The following MS4A6E variants were observed in gnomAD, a reference collection of about 807,000 sequenced individuals.
MS4A6E encodes the protein membrane-spanning 4-domains subfamily A member 6E.
MS4A6E carries 8 observed loss-of-function variants against 13.2 expected under a neutral mutation model. That is an observed-to-expected ratio of 0.60 (90% CI 0.35 to 1.09). MS4A6E has a LOEUF of 1.09. Among genes scored for constraint, MS4A6E ranks in the 50% least tolerant of loss-of-function variants. MS4A6E has a pLI of 0.02. For synonymous variants in MS4A6E, 72 were observed against 67.6 expected, an observed-to-expected ratio of 1.06 and a Z score of -0.32; for missense variants, 177 against 171.1, an observed-to-expected ratio of 1.03 and a Z score of -0.19.
At chr11:60,328,378 T>C (rs1490838200) in intron 1 of MS4A6E, among the ~76,000 whole-genome samples, 6 of 152,068 alleles carry the variant, frequency 3.9e-5, no homozygotes, top group African/African-American at 2.4e-5. Context: ...ATAAGAAATA[T>C]ATATGTGTAG....
chr11:60,327,717 A>G (rs12798846), intron 1 of MS4A6E, among the ~76,000 whole-genome samples: 52,928 of 151,982 alleles, frequency 0.35, 9,851 homozygotes, highest in East Asian at 0.41. Context: ...GTGTCAGATG[A>G]AAATGAGAAA....
chr11:60,331,195 C>T (rs2085153798), intron 1 of MS4A6E, among the ~76,000 whole-genome samples: 1 of 151,972 alleles, frequency 6.6e-6, no homozygotes, highest in African/African-American at 2.4e-5. Context: ...GAATAATATT[C>T]TACTATATAG....
chr11:60,342,729 G>A (rs1476219057), downstream of MS4A6E, among the ~76,000 whole-genome samples: 1 of 152,160 alleles, frequency 6.6e-6, no homozygotes, highest in Non-Finnish European at 1.5e-5. Flanking sequence ...CTAGCTTCCA[G>A]GTATCCCTTT....
rs2304933 is a variant in MS4A6E, at chr11:60,335,034, G to T, written c.139G>T (p.Val47Phe). The T allele has an allele frequency of 0.33, 526,066 of 1,613,452 alleles. 89,900 individuals are homozygous for T. Among genetic ancestry groups the T allele is most frequent in the Admixed American group, 0.37 (22,390 of 59,962 alleles). The change falls in exon 2 of 5, where the codon GTT becomes TTT. Residue 47 changes from valine to phenylalanine, a missense_variant. Physicochemically the swap from Val to Phe is conservative, Grantham distance 50 (BLOSUM62 -1). Coordinates refer to ENST00000684409, the MANE Select transcript of MS4A6E (RefSeq NM_139249.4). ...LKKRLQAKVK[V>F]IGVHSSLAGS... ...GAAACGTCTACAGGCAAAAGTCAAA[G>T]TTATTGGGGTAAATCTAATTCAGAA...
chr11:60,347,333 A>C (rs2085260721), intron 4 of MS4A6E, among the ~76,000 whole-genome samples: 1 of 152,182 alleles, frequency 6.6e-6, no homozygotes, highest in African/African-American at 2.4e-5. Context: ...GCCTGTACAT[A>C]GGGGATCTTG....
At chr11:60,331,496 T>G (rs1252407866) in intron 1 of MS4A6E, among the ~76,000 whole-genome samples, 1 of 152,196 alleles carries the variant, frequency 6.6e-6, no homozygotes, top group Non-Finnish European at 1.5e-5. Flanking sequence ...GTTTTTGTTT[T>G]TTTAGTCTGG....
chr11:60,342,233 T>G (rs73477045), downstream of MS4A6E, among the ~76,000 whole-genome samples: 2,800 of 149,604 alleles, frequency 0.019, 112 homozygotes, highest in African/African-American at 0.066. Flanking sequence ...AAAGACAGAA[T>G]GTACTTCCTT....
At chr11:60,335,493 A>T (rs1286763354) in intron 2 of MS4A6E, 1 of 443,668 alleles carries the variant, frequency 2.3e-6, no homozygotes, top group African/African-American at 2.0e-5. Context: ...TGGAAATGAT[A>T]TTTACCTTTT....
chr11:60,337,906 C>G lies in MS4A6E; in HGVS notation c.313C>G (p.Pro105Ala). ...TCTTCTTTCTTATGATTATCATTCA[C>G]CTTACACCATGGACTGCCATAGAGC... ...RLLLSYDYHS[P>A]YTMDCHRAKA... The change falls in exon 3 of 5, where the codon CCT becomes GCT. Residue 105 changes from proline to alanine, a missense_variant. By Grantham distance (27) the Pro-to-Ala change is conservative. Transcript: ENST00000684409. The G allele has an allele frequency of 6.2e-7, 1 of 1,614,226 alleles. No homozygotes were observed. The highest frequency in any genetic ancestry group is 8.5e-7 in the Non-Finnish European group (1 of 1,180,046).
intron 1 of MS4A6E, among the ~76,000 whole-genome samples, chr11:60,330,120 C>T (rs11603352): frequency 0.33 from 48,414 of 147,838 alleles, 9,512 homozygotes; most frequent in Admixed American, 0.38. Context: ...CCACCGCGCC[C>T]GGCCTCCTTC....
chr11:60,329,048 GT>G (rs1453109362), intron 1 of MS4A6E, among the ~76,000 whole-genome samples: 1 of 152,032 alleles, frequency 6.6e-6, no homozygotes, highest in Non-Finnish European at 1.5e-5. Context: ...GAACGTGCAG[GT>G]TTGTTACACA....
intron 1 of MS4A6E, among the ~76,000 whole-genome samples, chr11:60,330,420 C>A (rs1299544758): frequency 1.5e-5 from 2 of 137,592 alleles, no homozygotes; most frequent in Non-Finnish European, 3.1e-5. Flanking sequence ...CGGCTCACTG[C>A]AAGCTCCGCC....
At chr11:60,327,497 C>T (rs1300635477) in intron 1 of MS4A6E, among the ~76,000 whole-genome samples, 89 bp downstream of exon 1, 1 of 152,106 alleles carries the variant, frequency 6.6e-6, no homozygotes, top group Non-Finnish European at 1.5e-5. Flanking sequence ...AAACTGGTAC[C>T]AATAAGTGGA....
chr11:60,342,100 T>A (rs1045700729), downstream of MS4A6E, among the ~76,000 whole-genome samples: 1 of 147,376 alleles, frequency 6.8e-6, no homozygotes, highest in Non-Finnish European at 1.5e-5. Context: ...GAGCACAGAA[T>A]AAAGAATATC....
intron 4 of MS4A6E, among the ~76,000 whole-genome samples, chr11:60,347,737 A>C (rs954127038): frequency 6.6e-6 from 1 of 151,506 alleles, no homozygotes; most frequent in African/African-American, 2.4e-5. Flanking sequence ...TGCAGGCATA[A>C]CCCCCCACCC....
chr11:60,346,301 A>G (rs2085256094), downstream of MS4A6E, among the ~76,000 whole-genome samples: 1 of 152,190 alleles, frequency 6.6e-6, no homozygotes, highest in Admixed American at 6.5e-5. Flanking sequence ...CAAAACAGCT[A>G]CTGGAGGCTC....
At chr11:60,332,430 T>G (rs75420475) in intron 1 of MS4A6E, among the ~76,000 whole-genome samples, 4,149 of 152,328 alleles carry the variant, frequency 0.027, 172 homozygotes, top group African/African-American at 0.093. Context: ...CCTTAACTCT[T>G]TGGACCCAAA....
chr11:60,332,269 C>G (rs1200003036), intron 1 of MS4A6E, among the ~76,000 whole-genome samples: 3 of 152,172 alleles, frequency 2.0e-5, no homozygotes, highest in African/African-American at 7.2e-5. Flanking sequence ...CTTTATTACT[C>G]AAGTTACAAC....
At chr11:60,333,201 T>C (rs905870165) in intron 1 of MS4A6E, among the ~76,000 whole-genome samples, 2 of 152,170 alleles carry the variant, frequency 1.3e-5, no homozygotes, top group African/African-American at 4.8e-5. Flanking sequence ...ATGTATCCAA[T>C]GCAGATTACA....
Sources: gnomAD v4.1 joint callset for allele counts (sites outside exome capture counted in the v4.1 genomes callset) on GRCh38, gnomAD v4.1.1 for gene constraint, MANE v1.5 for transcripts, NCBI Gene and HGNC (gene_info 2026-07-23, HGNC 2026-07-21) for gene names.